Variants in CPNE5 observed in about 807,000 individuals in gnomAD.
CPNE5 encodes the protein copine 5, also known as copine-5.
In CPNE5, 42 loss-of-function variants were observed where a neutral mutation model predicts 81.1. The observed-to-expected ratio is 0.52, with a 90% CI of 0.40 to 0.67. The LOEUF (loss-of-function observed/expected upper bound fraction) is 0.67. CPNE5 is among the 30% of genes least tolerant of loss of function. CPNE5 has a pLI of 0.00. For synonymous variants in CPNE5, 313 were observed against 321.5 expected, an observed-to-expected ratio of 0.97 and a Z score of 0.28; for missense variants, 612 against 815.5, an observed-to-expected ratio of 0.75 and a Z score of 3.04.
chr6:36,777,753 ACCCCCC>A (rs35760836), intron 9 of CPNE5, among the ~76,000 whole-genome samples: 1 of 113,660 alleles, frequency 8.8e-6, no homozygotes, highest in Non-Finnish European at 1.7e-5. Flanking sequence ...TCCCCTGCCT[ACCCCCC>A]CCCCCACCAC....
chr6:36,792,469 G>T, intron 7 of CPNE5: 1 of 1,164,470 alleles, frequency 8.6e-7, no homozygotes, highest in Non-Finnish European at 1.2e-6. Flanking sequence ...GACCTCATGG[G>T]CTAGCCACCC....
chr6:36,787,951 G>T (rs1041939267), intron 8 of CPNE5, among the ~76,000 whole-genome samples: 3 of 152,230 alleles, frequency 2.0e-5, no homozygotes, highest in African/African-American at 7.2e-5. Context: ...TGGCTGACAG[G>T]TCTCTAGGGG....
chr6:36,763,324 C>T (rs1379554866), intron 11 of CPNE5, among the ~76,000 whole-genome samples: 1 of 152,128 alleles, frequency 6.6e-6, no homozygotes, highest in Non-Finnish European at 1.5e-5. Context: ...ATATTGTGGC[C>T]GGGCGCGGTG....
At position 36,772,405 on chromosome 6, in the gene CPNE5, C is replaced by T. The variant is rs150134811; in HGVS notation, c.737+2556G>A. ...TCATCCCCTCACCCACTCTAGAAGC[C>T]CCAGGAGCCAGCTAGATGTGTAACA... On this transcript the variant is annotated intron_variant, in intron 10 of 20. Coordinates refer to ENST00000244751, the MANE Select transcript of CPNE5 (RefSeq NM_020939.2). Among the ~76,000 whole-genome samples, 1,326 of 152,258 alleles carry T rather than the reference C, an allele frequency of 8.7e-3. 17 individuals carry two copies. The highest frequency in any genetic ancestry group is 0.03 in the African/African-American group (1,244 of 41,530).
chr6:36,777,530 G>T (rs182821249), intron 9 of CPNE5, among the ~76,000 whole-genome samples: 1 of 152,060 alleles, frequency 6.6e-6, no homozygotes, highest in African/African-American at 2.4e-5. Context: ...GTGGACGCCC[G>T]GAACAATATG....
At chr6:36,767,399 C>T (rs906918198) in intron 10 of CPNE5, among the ~76,000 whole-genome samples, 1 of 152,152 alleles carries the variant, frequency 6.6e-6, no homozygotes, top group Non-Finnish European at 1.5e-5. Flanking sequence ...GAAAATTGAG[C>T]CCTAAGAGCC....
intron 8 of CPNE5, among the ~76,000 whole-genome samples, chr6:36,788,228 G>T (rs868769540): frequency 7.5e-6 from 1 of 133,814 alleles, no homozygotes; most frequent in Non-Finnish European, 1.5e-5. Context: ...GAGATGGTCG[G>T]GGGGGGGTCT....
Position 36,762,990 on chromosome 6 carries a change from T to C in CPNE5, c.782A>G (p.His261Arg), listed in dbSNP as rs550155284. The change falls in exon 12 of 21, where the codon CAT (histidine) becomes CGT (arginine). Residue 261 changes from histidine (H) to arginine (R), a missense_variant and splice_region_variant. Transcript: ENST00000244751. Reference protein sequence around the residue: ...EVYDWDRDGSHDFIGEFTTSY... With the variant: ...EVYDWDRDGSRDFIGEFTTSY... Reference sequence around the variant, plus strand: ...GGTGGTGAACTCCCCAATGAAGTCATGGCTGCAAGGGAAGACGGCTGCTGA... The same window carrying C: ...GGTGGTGAACTCCCCAATGAAGTCACGGCTGCAAGGGAAGACGGCTGCTGA... 6 of 1,614,080 alleles carry C rather than the reference T, an allele frequency of 3.7e-6. No homozygotes were observed. The South Asian group carries it at 6.6e-5, about 18-fold the overall frequency.
Position 36,839,345 on chromosome 6 carries a change from G to C in CPNE5, c.33C>G (p.Ser11Arg). Residue 11 changes from serine to arginine, a missense_variant, in exon 1 of 21, where the codon AGC (serine) becomes AGG (arginine). Coordinates refer to ENST00000244751, the MANE Select transcript of CPNE5 (RefSeq NM_020939.2). The surrounding 1 kb of genome is among the most constrained non-coding windows in gnomAD (Gnocchi z 7.3). Reference protein sequence around the residue: MEQPEDMASLSEFDSLAGSIP... With the variant: MEQPEDMASLREFDSLAGSIP... Reference sequence around the variant, plus strand: ...TGCTGCCCGCCAAGGAGTCGAACTCGCTCAGCGACGCCATGTCCTCAGGCT... The same window carrying C: ...TGCTGCCCGCCAAGGAGTCGAACTCCCTCAGCGACGCCATGTCCTCAGGCT... 1 of 1,553,480 alleles carries C rather than the reference G, an allele frequency of 6.4e-7. No individual in the cohort carries two copies. The highest frequency in any genetic ancestry group is 1.9e-5 in the Admixed American group (1 of 52,138).
intron 1 of CPNE5, chr6:36,838,835 C>A (rs1773766558): frequency 1.4e-6 from 1 of 716,936 alleles, no homozygotes; most frequent in African/African-American, 2.0e-5. Context: ...GATGCTGGGG[C>A]AAAGAAGGGG....
intron 10 of CPNE5, among the ~76,000 whole-genome samples, chr6:36,768,086 T>A (rs934663286): frequency 5.3e-5 from 8 of 152,030 alleles, no homozygotes; most frequent in African/African-American, 1.7e-4. Flanking sequence ...CAGGGATGGC[T>A]GCAGCCTGGG....
chr6:36,818,578 G>A (rs564014903), intron 3 of CPNE5, among the ~76,000 whole-genome samples: 228 of 152,240 alleles, frequency 1.5e-3, no homozygotes, highest in African/African-American at 5.2e-3. Flanking sequence ...CTTTACTTCC[G>A]TCATCTCGTT....
At chr6:36,822,181 G>T (rs1194932807) in intron 2 of CPNE5, 21 bp from the exon 3 acceptor site, 1 of 1,492,124 alleles carries the variant, frequency 6.7e-7, no homozygotes, top group Non-Finnish European at 9.0e-7. Flanking sequence ...AGGAGAAACA[G>T]TGGATTAATA....
chr6:36,837,530 C>T (rs1773624209), intron 1 of CPNE5, among the ~76,000 whole-genome samples: 1 of 152,176 alleles, frequency 6.6e-6, no homozygotes, highest in Non-Finnish European at 1.5e-5. Flanking sequence ...ATGACGTCTG[C>T]ACACCTGAGA....
At position 36,838,051 on chromosome 6, in the gene CPNE5, C is replaced by T. The variant is rs78457319; in HGVS notation, c.95+1232G>A. Among the ~76,000 whole-genome samples, 705 of 152,214 alleles carry T rather than the reference C, an allele frequency of 4.6e-3. 8 individuals carry two copies. The highest frequency in any genetic ancestry group is 0.014 in the African/African-American group (586 of 41,510). Reference sequence around the variant, plus strand: ...AGGGCCTGGCTTAGGGGGGAAGCTACGTTCAACCAGACTAGCCTTCACTGC... The same window carrying T: ...AGGGCCTGGCTTAGGGGGGAAGCTATGTTCAACCAGACTAGCCTTCACTGC... On this transcript the variant is annotated intron_variant, in intron 1 of 20. Transcript: ENST00000244751.
At chr6:36,785,508 T>C (rs1363828964) in intron 8 of CPNE5, among the ~76,000 whole-genome samples, 3 of 152,102 alleles carry the variant, frequency 2.0e-5, no homozygotes, top group Middle Eastern at 3.2e-3. Context: ...GAGTAAGCAA[T>C]GGCTTTTGGT....
chr6:36,747,347 A>G (rs938919107), intron 15 of CPNE5, among the ~76,000 whole-genome samples: 11 of 152,262 alleles, frequency 7.2e-5, no homozygotes, highest in Admixed American at 2.6e-4. Flanking sequence ...CCAAGGTACC[A>G]ATCCTGTCTA....
chr6:36,831,291 G>A (rs766262824), intron 1 of CPNE5, among the ~76,000 whole-genome samples: 2 of 151,948 alleles, frequency 1.3e-5, no homozygotes, highest in Non-Finnish European at 2.9e-5. Flanking sequence ...CTGACCTCAA[G>A]TGATCTGCCC....
At chr6:36,798,582 T>C in intron 4 of CPNE5, 88 bp from the exon 5 acceptor site, 1 of 1,217,082 alleles carries the variant, frequency 8.2e-7, no homozygotes, top group Non-Finnish European at 1.2e-6. Context: ...AGGGCCCCTG[T>C]CCCCCAAAAA....
Sources: gnomAD v4.1 joint callset for allele counts (sites outside exome capture counted in the v4.1 genomes callset) on GRCh38, gnomAD v4.1.1 for gene constraint, Gnocchi (gnomAD v3.1) non-coding constraint, MANE v1.5 for transcripts, NCBI Gene and HGNC (gene_info 2026-07-23, HGNC 2026-07-21) for gene names.